The following MBD2 variants were observed in gnomAD, a reference collection of about 807,000 sequenced individuals.
MBD2 encodes the protein methyl-CpG-binding domain protein 2.
In MBD2, 9 loss-of-function variants were observed where a neutral mutation model predicts 39.3. The ratio of observed to expected loss-of-function variants is 0.23; its 90% CI spans 0.14 to 0.40. MBD2 has a LOEUF of 0.40. Among genes scored for constraint, MBD2 ranks in the 10% least tolerant of loss-of-function variants. MBD2 has a pLI of 1.00. For synonymous variants in MBD2, 233 were observed against 211.1 expected (o/e 1.10, Z -0.90); for missense variants, 458 against 532.6 (o/e 0.86, Z 1.38).
chr18:54,165,653 G>T (rs573485025), intron 4 of MBD2, among the ~76,000 whole-genome samples: 2 of 152,318 alleles, frequency 1.3e-5, no homozygotes, highest in East Asian at 3.9e-4. Context: ...TTTGTGGAGG[G>T]AGGGGCAGAA....
chr18:54,167,582 A>G (rs977997163), intron 3 of MBD2, among the ~76,000 whole-genome samples: 2 of 152,174 alleles, frequency 1.3e-5, no homozygotes, highest in Admixed American at 6.6e-5. Context: ...TTCTGGATAT[A>G]TGTGAAGTAT....
chr18:54,155,984 T>C (rs935280125), intron 6 of MBD2, among the ~76,000 whole-genome samples: 1 of 152,124 alleles, frequency 6.6e-6, no homozygotes, highest in Non-Finnish European at 1.5e-5. Flanking sequence ...AATAAATAAA[T>C]GAATAAACAT....
chr18:54,211,676 G>A (rs1180402958), intron 1 of MBD2, among the ~76,000 whole-genome samples: 1 of 151,976 alleles, frequency 6.6e-6, no homozygotes, highest in Non-Finnish European at 1.5e-5. Flanking sequence ...ATCACCTCAG[G>A]TCTAAATCAC....
At chr18:54,173,298 T>A (rs2086190766) in intron 3 of MBD2, among the ~76,000 whole-genome samples, 2 of 152,120 alleles carry the variant, frequency 1.3e-5, no homozygotes, top group Non-Finnish European at 2.9e-5. Context: ...ATTAAAAATG[T>A]GAGGCCTCTT....
chr18:54,175,840 T>G (rs1365456220), intron 3 of MBD2, among the ~76,000 whole-genome samples: 3 of 152,222 alleles, frequency 2.0e-5, no homozygotes, highest in Admixed American at 2.0e-4. Context: ...GTCAGGGGAC[T>G]GAAGACATTT....
At chr18:54,202,817 C>A (rs1568089767) in intron 2 of MBD2, 1 of 1,564,780 alleles carries the variant, frequency 6.4e-7, no homozygotes, top group East Asian at 2.2e-5. Context: ...AAGACATGGT[C>A]CCTGCCCTCA....
chr18:54,158,977 C>T (rs933193845), intron 6 of MBD2, among the ~76,000 whole-genome samples: 13 of 152,152 alleles, frequency 8.5e-5, no homozygotes, highest in African/African-American at 3.1e-4. Flanking sequence ...TTTTTAGTGT[C>T]CTTCTTGTTC....
chr18:54,159,309 T>C (rs536257446), intron 6 of MBD2, among the ~76,000 whole-genome samples: 2 of 151,990 alleles, frequency 1.3e-5, no homozygotes, highest in Non-Finnish European at 2.9e-5. Context: ...GGTCCTTCAA[T>C]CCAGAGAGAA....
intron 3 of MBD2, among the ~76,000 whole-genome samples, chr18:54,175,806 A>G (rs1219468089): frequency 6.6e-6 from 1 of 152,052 alleles, no homozygotes; most frequent in Non-Finnish European, 1.5e-5. Flanking sequence ...CCCCTGTCCT[A>G]CTTCACTGAT....
chr18:54,162,985 G>GC (rs2144279703), intron 5 of MBD2, among the ~76,000 whole-genome samples: 1 of 152,076 alleles, frequency 6.6e-6, no homozygotes, highest in East Asian at 1.9e-4. Flanking sequence ...ACAAATATAG[G>GC]CTGGGCGTGG....
chr18:54,189,691 C>G (rs187042671), intron 2 of MBD2, among the ~76,000 whole-genome samples: 1 of 152,044 alleles, frequency 6.6e-6, no homozygotes, highest in Non-Finnish European at 1.5e-5. Context: ...ACTCTGTTGC[C>G]CAGACTGGAG....
chr18:54,194,427 A>G (rs2086348540), intron 2 of MBD2, among the ~76,000 whole-genome samples: 1 of 151,850 alleles, frequency 6.6e-6, no homozygotes, highest in Non-Finnish European at 1.5e-5. Flanking sequence ...ACTTTCTGTG[A>G]CCATAAAGCT....
intron 1 of MBD2, among the ~76,000 whole-genome samples, chr18:54,214,828 G>A (rs1054026811): frequency 5.3e-5 from 8 of 149,814 alleles, no homozygotes; most frequent in African/African-American, 1.7e-4. Flanking sequence ...CAAGCTCCAC[G>A]TCCCGGGTTC....
intron 1 of MBD2, among the ~76,000 whole-genome samples, chr18:54,214,389 G>A (rs1303071443): frequency 6.6e-6 from 1 of 151,914 alleles, no homozygotes; most frequent in African/African-American, 2.4e-5. Context: ...GTAGGGACAG[G>A]AGTCTCACTA....
intron 1 of MBD2, among the ~76,000 whole-genome samples, chr18:54,210,082 A>C (rs938923409): frequency 2.0e-5 from 3 of 152,158 alleles, no homozygotes. Context: ...ATACTATTTC[A>C]CTTTCAACCA....
intron 5 of MBD2, among the ~76,000 whole-genome samples, chr18:54,164,245 T>C (rs912610848): frequency 2.0e-5 from 3 of 152,148 alleles, no homozygotes; most frequent in African/African-American, 4.8e-5. Flanking sequence ...ACTGTAAAAA[T>C]GATGCTTAGG....
Position 54,188,976 on chromosome 18 carries a change from T to C in MBD2, c.738A>G (p.Arg246=). Residue 246 remains arginine (R), a synonymous_variant, in exon 3 of 7, where the codon AGA becomes AGG. Coordinates refer to ENST00000256429, the MANE Select transcript of MBD2 (RefSeq NM_003927.5). ...KPDLNTTLPI[R]QTASIFKQPV... ...GTTGTTTGAAAATTGATGCTGTTTG[T>C]CTAATTGGCAATGTTGTATTCAAGT... The C allele has an allele frequency of 6.2e-7, 1 of 1,609,284 alleles. No individual in the cohort carries two copies.
At chr18:54,212,386 C>G (rs2086515810) in intron 1 of MBD2, among the ~76,000 whole-genome samples, 1 of 152,068 alleles carries the variant, frequency 6.6e-6, no homozygotes, top group Admixed American at 6.5e-5. Context: ...GCCTGTTGGC[C>G]TCATTCTAGC....
intron 2 of MBD2, among the ~76,000 whole-genome samples, chr18:54,201,779 C>T (rs911845027): frequency 2.0e-5 from 3 of 150,124 alleles, no homozygotes; most frequent in African/African-American, 2.5e-5. Context: ...AGGAGAATGG[C>T]GTGAACCTGG....
Sources: gnomAD v4.1 joint callset for allele counts (sites outside exome capture counted in the v4.1 genomes callset) on GRCh38, gnomAD v4.1.1 for gene constraint, MANE v1.5 for transcripts, NCBI Gene and HGNC (gene_info 2026-07-23, HGNC 2026-07-21) for gene names.